Variants in RFPL1 observed in about 807,000 individuals in gnomAD.
The protein encoded by RFPL1 is ret finger protein like 1.
RFPL1 carries 6 observed loss-of-function variants against 9.6 expected under a neutral mutation model. The observed-to-expected ratio is 0.62, with a 90% CI of 0.34 to 1.23. RFPL1 has a LOEUF of 1.23. RFPL1 is among the 50% of genes most tolerant of loss of function. The pLI is 0.03. For synonymous variants in RFPL1, 145 were observed against 149.4 expected, an observed-to-expected ratio of 0.97 and a Z score of 0.22; for missense variants, 352 against 398.4, an observed-to-expected ratio of 0.88 and a Z score of 0.99.
the RFPL1 span, among the ~76,000 whole-genome samples, chr22:29,404,798 C>T: frequency 6.6e-6 from 1 of 152,206 alleles, no homozygotes; most frequent in Non-Finnish European, 1.5e-5. Context: ...CTGATCATAG[C>T]TCACTGCAGC....
the RFPL1 span, among the ~76,000 whole-genome samples, chr22:29,392,172 C>CG: frequency 2.0e-5 from 3 of 152,052 alleles, no homozygotes; most frequent in East Asian, 5.8e-4. Context: ...CTCTGCCTCC[C>CG]GGGCTCAAGC....
the RFPL1 span, among the ~76,000 whole-genome samples, chr22:29,388,208 G>A: frequency 2.3e-4 from 35 of 152,200 alleles, no homozygotes; most frequent in Non-Finnish European, 4.6e-4. Flanking sequence ...AGGTGCTGCG[G>A]GTATGGGGCG....
chr22:29,415,653 G>A, the RFPL1 span, among the ~76,000 whole-genome samples: 33 of 152,400 alleles, frequency 2.2e-4, no homozygotes, highest in African/African-American at 7.9e-4. Context: ...AAACAAGGAA[G>A]AGGCTTTATT....
At chr22:29,419,394 G>A in the RFPL1 span, 29 of 614,386 alleles carry the variant, frequency 4.7e-5, no homozygotes, top group African/African-American at 7.3e-5. Context: ...AGCTTCAGGC[G>A]CCTGGCCTCA....
intron 1 of RFPL1, chr22:29,440,342 A>C (rs1299474607): frequency 6.6e-6 from 1 of 152,170 alleles, no homozygotes; most frequent in Non-Finnish European, 1.5e-5. Context: ...GTAATCTATA[A>C]AATCTATATT....
chr22:29,388,622 G>A, the RFPL1 span: 1 of 152,322 alleles, frequency 6.6e-6, no homozygotes, highest in Non-Finnish European at 1.5e-5. Context: ...CGGGGTCAAG[G>A]GTACAACCCT....
chr22:29,421,270 A>C, the RFPL1 span, among the ~76,000 whole-genome samples: 1 of 152,024 alleles, frequency 6.6e-6, no homozygotes, highest in Non-Finnish European at 1.5e-5. Context: ...AAAGAAATCC[A>C]CTAAAAAACC....
the RFPL1 span, among the ~76,000 whole-genome samples, chr22:29,421,196 T>C: frequency 6.6e-6 from 1 of 152,116 alleles, no homozygotes; most frequent in Non-Finnish European, 1.5e-5. Context: ...CCTAAACCTG[T>C]TTCCTTGTCT....
the RFPL1 span, among the ~76,000 whole-genome samples, chr22:29,397,141 C>T: frequency 7.1e-6 from 1 of 141,164 alleles, no homozygotes; most frequent in African/African-American, 2.6e-5. Flanking sequence ...GATCTCCTGA[C>T]CTCGTGATCC....
chr22:29,406,122 AAAAAAAAAAAAAAAAAAAAAAAAAT>A, the RFPL1 span, among the ~76,000 whole-genome samples: 6 of 44,804 alleles, frequency 1.3e-4, no homozygotes, highest in Non-Finnish European at 1.9e-4. Flanking sequence ...TCTCAAAAAA[AAAAAAAAAAAAAAAAAAAAAAAAAT>A]AAAAAAAAAG....
exon 2 of RFPL1, chr22:29,441,640 G>C: frequency 5.6e-6 from 9 of 1,613,934 alleles, no homozygotes; most frequent in Non-Finnish European, 7.6e-6. Context: ...GAATCGGCAA[G>C]ACCTTGCCGA....
the RFPL1 span, among the ~76,000 whole-genome samples, chr22:29,428,270 A>G: frequency 6.6e-6 from 1 of 152,242 alleles, no homozygotes; most frequent in African/African-American, 2.4e-5. Flanking sequence ...GAGACATAGC[A>G]GGTCATTATA....
chr22:29,430,762 C>T, the RFPL1 span, among the ~76,000 whole-genome samples: 1 of 152,116 alleles, frequency 6.6e-6, no homozygotes, highest in African/African-American at 2.4e-5. Flanking sequence ...TTGAAACTAG[C>T]CCTATTCATA....
At chr22:29,415,630 C>T in the RFPL1 span, among the ~76,000 whole-genome samples, 1 of 152,372 alleles carries the variant, frequency 6.6e-6, no homozygotes, top group East Asian at 1.9e-4. Context: ...CAAAACTCCT[C>T]AGACACCGGG....
At chr22:29,416,075 T>C in the RFPL1 span, among the ~76,000 whole-genome samples, 1 of 152,134 alleles carries the variant, frequency 6.6e-6, no homozygotes, top group African/African-American at 2.4e-5. Flanking sequence ...AACCCTATAA[T>C]GTAGAGAATC....
chr22:29,390,580 A>ATTTTTATTTATTTTT, the RFPL1 span, among the ~76,000 whole-genome samples: 1 of 119,654 alleles, frequency 8.4e-6, no homozygotes, highest in African/African-American at 3.9e-5. Context: ...ACCTTATTCC[A>ATTTTTATTTATTTTT]TTTTTATTTA....
chr22:29,393,686 G>C, the RFPL1 span, among the ~76,000 whole-genome samples: 4 of 148,158 alleles, frequency 2.7e-5, no homozygotes, highest in Non-Finnish European at 6.0e-5. Context: ...CACCTGGATA[G>C]AGAGAGAGAG....
the RFPL1 span, among the ~76,000 whole-genome samples, chr22:29,402,345 A>G: frequency 6.6e-6 from 1 of 152,240 alleles, no homozygotes; most frequent in Non-Finnish European, 1.5e-5. Flanking sequence ...AGTGGTTCTC[A>G]ATTTTGTATA....
At chr22:29,434,142 G>A (rs545949551), upstream of RFPL1, among the ~76,000 whole-genome samples, 34 of 152,196 alleles carry the variant, frequency 2.2e-4, no homozygotes, top group Admixed American at 3.9e-4. Flanking sequence ...ATAAGCCGCC[G>A]TACACAGCCT....
Sources: allele counts gnomAD v4.1 joint callset (sites outside exome capture counted in the v4.1 genomes callset), GRCh38; gene constraint gnomAD v4.1.1; transcripts MANE v1.5; gene names NCBI Gene and HGNC (gene_info 2026-07-23, HGNC 2026-07-21).